Variants in ZEB2 observed in about 807,000 individuals in gnomAD.
The protein encoded by ZEB2 is zinc finger E-box-binding homeobox 2.
A neutral mutation model predicts 99.9 loss-of-function variants in ZEB2; 6 were observed. That is an observed-to-expected ratio of 0.06 (90% CI 0.03 to 0.12). The LOEUF (loss-of-function observed/expected upper bound fraction) is 0.12, where lower values mean the gene tolerates loss of function less well. Ranked by LOEUF, ZEB2 falls within the 10% of genes least tolerant of loss-of-function variation. The probability of loss-of-function intolerance (pLI) is 1.00; values close to 1 mark genes in which losing one functional copy is unlikely to be tolerated. For synonymous variants in ZEB2, 517 were observed against 542.5 expected (o/e 0.95, Z 0.65); for missense variants, 969 against 1,502.8 (o/e 0.64, Z 5.87).
intron 2 of ZEB2, chr2:144,512,224 T>C: frequency 3.9e-6 from 5 of 1,287,226 alleles, no homozygotes; most frequent in Non-Finnish European, 5.1e-6. Context: ...GTGTCTACCT[T>C]GGGAAGCCAC....
At chr2:144,400,935 G>A (rs1189222124) in intron 7 of ZEB2, among the ~76,000 whole-genome samples, 1 of 152,012 alleles carries the variant, frequency 6.6e-6, no homozygotes, top group Non-Finnish European at 1.5e-5. Context: ...GGTTTTAAAA[G>A]GACAAAAAGG....
At chr2:144,418,984 GAAAATA>G (rs146028132) in intron 4 of ZEB2, among the ~76,000 whole-genome samples, 7,866 of 151,882 alleles carry the variant, frequency 0.052, 275 homozygotes, top group South Asian at 0.12. Flanking sequence ...AAAAAAGAAA[GAAAATA>G]AAAATAAAGT....
intron 2 of ZEB2, among the ~76,000 whole-genome samples, chr2:144,456,826 C>G (rs539156900): frequency 9.2e-5 from 14 of 152,206 alleles, no homozygotes; most frequent in Non-Finnish European, 1.5e-4. Flanking sequence ...CTTAGGCTTA[C>G]TGTGCCAGAC....
At chr2:144,410,499 A>G (rs755116916) in intron 4 of ZEB2, among the ~76,000 whole-genome samples, 7 of 152,246 alleles carry the variant, frequency 4.6e-5, no homozygotes, top group Admixed American at 3.3e-4. Flanking sequence ...AACTCTAAAT[A>G]AAAGAGAAAT....
intron 8 of ZEB2, among the ~76,000 whole-genome samples, chr2:144,398,081 T>G (rs1194691186): frequency 1.3e-5 from 2 of 152,222 alleles, no homozygotes; most frequent in East Asian, 3.8e-4. Context: ...AATATTAATT[T>G]CTTCTTTATC....
chr2:144,497,858 TA>T (rs1704789610), intron 2 of ZEB2: 1 of 1,382 alleles, frequency 7.2e-4, no homozygotes. Context: ...ATTCTCAACA[TA>T]TATATATATA....
intron 2 of ZEB2, chr2:144,461,108 T>TTTTTATCACAC (rs1704187888): frequency 6.6e-6 from 1 of 151,096 alleles, no homozygotes; most frequent in African/African-American, 2.4e-5. Context: ...TCTTTTTTTT[T>TTTTTATCACAC]TTTATCACAC....
intron 2 of ZEB2, among the ~76,000 whole-genome samples, chr2:144,472,998 T>G (rs1030793028): frequency 2.0e-5 from 3 of 152,084 alleles, no homozygotes; most frequent in South Asian, 2.1e-4. Flanking sequence ...AAAAAAAAAT[T>G]TGTCAGTGTT....
chr2:144,405,288 AGAAT>A, intron 4 of ZEB2: 1 of 425,928 alleles, frequency 2.3e-6, no homozygotes, highest in Non-Finnish European at 4.2e-6. Context: ...GTATATACAA[AGAAT>A]GAAAGAAATT....
chr2:144,452,443 T>C (rs1306843254), intron 2 of ZEB2, among the ~76,000 whole-genome samples: 2 of 152,180 alleles, frequency 1.3e-5, no homozygotes, highest in African/African-American at 4.8e-5. Flanking sequence ...ACAGATATTA[T>C]AGATAAAGTA....
intron 9 of ZEB2, among the ~76,000 whole-genome samples, chr2:144,394,697 TATC>T (rs1703197945): frequency 6.6e-6 from 1 of 152,182 alleles, no homozygotes; most frequent in Admixed American, 6.5e-5. Flanking sequence ...GTCTTTAAGG[TATC>T]ATTAAACTTT....
chr2:144,437,412 A>G (rs1006831395), intron 2 of ZEB2, among the ~76,000 whole-genome samples: 1 of 152,200 alleles, frequency 6.6e-6, no homozygotes, highest in Non-Finnish European at 1.5e-5. Context: ...TCTTCCAACA[A>G]TATGTCAAAA....
intron 2 of ZEB2, among the ~76,000 whole-genome samples, chr2:144,473,188 A>T (rs893029951): frequency 6.6e-6 from 1 of 152,136 alleles, no homozygotes; most frequent in African/African-American, 2.4e-5. Context: ...TTGGTAACAG[A>T]CTGGTTGTGG....
intron 2 of ZEB2, chr2:144,514,132 T>C (rs1198882292): frequency 3.5e-6 from 1 of 287,542 alleles, no homozygotes; most frequent in Non-Finnish European, 6.6e-6. Context: ...CCTGAGAATC[T>C]GGAAGGTTGT....
intron 2 of ZEB2, among the ~76,000 whole-genome samples, chr2:144,465,244 A>G (rs960879326): frequency 6.6e-6 from 1 of 152,158 alleles, no homozygotes. Context: ...TCAGTAAACT[A>G]TGAGCACTGA....
Position 144,396,363 on chromosome 2 carries a change from T to G in ZEB2, c.3067+49A>C, listed in dbSNP as rs773969964. The G allele has an allele frequency of 1.4e-5, 22 of 1,599,924 alleles. No individual in the cohort carries two copies. In the Admixed American group the frequency reaches 3.5e-4, roughly 25 times the overall value. ...AGTGTGCTCATTAAATATTATGAAATGTACAGCAGGACGGGAAGCTCTAAC... is the reference window on the plus strand; with the variant it reads ...AGTGTGCTCATTAAATATTATGAAAGGTACAGCAGGACGGGAAGCTCTAAC... On this transcript the variant is annotated intron_variant, in intron 9 of 9. Coordinates refer to ENST00000627532, the MANE Select transcript of ZEB2 (RefSeq NM_014795.4).
At chr2:144,431,159 G>A (rs1353342568) in intron 2 of ZEB2, 1 of 152,182 alleles carries the variant, frequency 6.6e-6, no homozygotes, top group South Asian at 2.1e-4. Context: ...ATTTCTCTGC[G>A]CCTAATAAAG....
chr2:144,431,248 A>G (rs1429341673), intron 2 of ZEB2, among the ~76,000 whole-genome samples: 1 of 152,202 alleles, frequency 6.6e-6, no homozygotes, highest in Non-Finnish European at 1.5e-5. Flanking sequence ...GTGGCAGAAA[A>G]GGAGGAAAAA....
intron 7 of ZEB2, 200 bp from the exon 8 acceptor site, chr2:144,400,470 C>T: frequency 1.5e-6 from 1 of 666,508 alleles, no homozygotes; most frequent in South Asian, 1.9e-5. Flanking sequence ...TCAAGATGTT[C>T]ACAGTGGAAG....
Sources: allele counts gnomAD v4.1 joint callset (sites outside exome capture counted in the v4.1 genomes callset), GRCh38; gene constraint gnomAD v4.1.1; transcripts MANE v1.5; gene names NCBI Gene and HGNC (gene_info 2026-07-23, HGNC 2026-07-21).